NBEAL2: variants seen among roughly 807,000 people sequenced by gnomAD.
The protein encoded by NBEAL2 is neurobeachin-like protein 2.
Under a neutral mutation model 299.8 loss-of-function variants are expected in NBEAL2, and 160 were observed. The ratio of observed to expected loss-of-function variants is 0.53; its 90% confidence interval spans 0.47 to 0.61. The LOEUF (loss-of-function observed/expected upper bound fraction) is 0.61, where lower values mean the gene tolerates loss of function less well. Among genes scored for constraint, NBEAL2 ranks in the 20% least tolerant of loss-of-function variants. The probability of loss-of-function intolerance (pLI) is 0.00; values close to 1 mark genes in which losing one functional copy is unlikely to be tolerated. For synonymous variants in NBEAL2, 1,493 were observed against 1,542.3 expected, an observed-to-expected ratio of 0.97 and a Z score of 0.75; for missense variants, 3,112 against 3,649.0, an observed-to-expected ratio of 0.85 and a Z score of 3.79.
In NBEAL2 at chr3:46,999,001, T is replaced by G. The variant is rs774768005; in HGVS notation, c.3427T>G (p.Ser1143Ala). ...CCTGCTGCTGGCCCTGCTGCACGGT[T>G]CCCTGGTGCAGGAGTCCTTGGCTGT... ...LDLLLALLHG[S>A]LVQESLAVFL... Residue 1143 changes from serine (S) to alanine (A), a missense_variant, in exon 24 of 54, where the codon TCC becomes GCC. Physicochemically the swap from Ser to Ala is moderately conservative, Grantham distance 99. Around this residue, in one of 3 missense-constraint regions of NBEAL2, gnomAD observed 2,243 missense variants for 2,538.1 expected, o/e 0.88. Transcript: ENST00000450053. 3 of 1,606,670 alleles carry G rather than the reference T, an allele frequency of 1.9e-6. No homozygotes were observed. In the Admixed American group the frequency reaches 5.1e-5, roughly 27 times the overall value.
At position 46,995,487 on chromosome 3, in the gene NBEAL2, G is replaced by A. The variant is rs201359870; in HGVS notation, c.1752G>A (p.Thr584=). 1.5e-4 allele frequency: 237 copies of A among 1,612,874 alleles called. 2 individuals carry two copies. The African/African-American group carries it at 2.5e-3, about 17-fold the overall frequency. Residue 584 remains threonine, a synonymous_variant, in exon 13 of 54, where the codon ACG becomes ACA. Coordinates refer to ENST00000450053, the MANE Select transcript of NBEAL2 (RefSeq NM_015175.3). ...PARALRYFDL[T]PSMAGIMVPP... is the part of the protein sequence containing the mutation. ...GTGCTCTGCGCTACTTTGACCTCAC[G>A]CCCAGCATGGCGGGCATCATGGTAC...
Position 46,995,271 on chromosome 3 carries a change from C to CG in NBEAL2, c.1536_1537insG (p.Gln513AlafsTer39). 1 of 1,562,790 alleles carries CG rather than the reference C, an allele frequency of 6.4e-7. No homozygotes were observed. The highest frequency in any genetic ancestry group is 8.7e-7 in the Non-Finnish European group (1 of 1,154,194). ...CAGGGCTAGCCCTGGAGGCCCGCTG[C>CG]CAAGAGCAGCTGCTGGCACTGCTAC... On this transcript the variant is annotated frameshift_variant, in exon 13 of 54. Coordinates refer to ENST00000450053, the MANE Select transcript of NBEAL2 (RefSeq NM_015175.3). LOFTEE classifies it high-confidence loss of function.
At chr3:47,002,884 T>C in intron 33 of NBEAL2, 73 bp from the exon 34 acceptor site, 1 of 1,582,524 alleles carries the variant, frequency 6.3e-7, no homozygotes, top group Non-Finnish European at 8.6e-7. Flanking sequence ...AGACTGCCTT[T>C]GGGGTGAGGC....
Position 47,001,171 on chromosome 3 carries a change from C to T in NBEAL2, c.4476C>T (p.Ile1492=). 3 of 1,611,816 alleles carry T rather than the reference C, an allele frequency of 1.9e-6. No homozygotes were observed. Among genetic ancestry groups the T allele is most frequent in the Non-Finnish European group, 2.5e-6 (3 of 1,178,738 alleles). The part of the protein sequence containing the change: ...SATLVRPPDC[I]KRSLLEMMLE... ...CACTTGTGCGCCCACCAGACTGCAT[C>T]AAGCGCAGGTGAGAGGGAAAGTCTG... The change falls in exon 28 of 54, where the codon ATC becomes ATT. Residue 1492 remains isoleucine, a synonymous_variant. Coordinates refer to ENST00000450053, the MANE Select transcript of NBEAL2 (RefSeq NM_015175.3). The surrounding 1 kb of genome is among the most constrained non-coding windows in gnomAD (Gnocchi z 6.1).
chr3:46,986,068 G>A (rs2035654241), intron 1 of NBEAL2, among the ~76,000 whole-genome samples: 3 of 152,158 alleles, frequency 2.0e-5, no homozygotes. Context: ...GAGAAACAGT[G>A]AGACCCAGGG....
rs1029876273 is a variant in NBEAL2 at position 47,003,678 on chromosome 3, G to A, written c.5721-138G>A. The A allele has an allele frequency of 1.1e-5, 13 of 1,193,712 alleles. No homozygotes were observed. The African/African-American group carries it at 2.0e-4, about 19-fold the overall frequency. 73.9% of individuals were successfully genotyped at this position (1,193,712 alleles called of 1,614,324 possible). On this transcript the variant is annotated intron_variant, in intron 35 of 53. Transcript: ENST00000450053. This position sits in a 1 kb window ranked among gnomAD's most constrained non-coding sequence, Gnocchi z 7.0. ...CAGGGGCTGGGACCAGTAGGTTCTG[G>A]ACCCTAGGCAGCCCCTCCCCATCTC...
rs542072202 is a variant in NBEAL2 at position 46,987,909 on chromosome 3, G to C, written c.52-760G>C. On this transcript the variant is annotated intron_variant, in intron 1 of 53. Coordinates refer to ENST00000450053, the MANE Select transcript of NBEAL2 (RefSeq NM_015175.3). ...CCCCCCCACATCCCTGCGGTCTGCCGGGAGGAAGCGGTCCCCCTCCCCCAC... is the reference window on the plus strand; with the variant it reads ...CCCCCCCACATCCCTGCGGTCTGCCCGGAGGAAGCGGTCCCCCTCCCCCAC... 6.9e-4 allele frequency: 721 copies of C among 1,048,122 alleles called. 6 individuals are homozygous for C. In the African/African-American group the frequency reaches 0.011, roughly 16 times the overall value. 64.9% of individuals were successfully genotyped at this position (1,048,122 alleles called of 1,614,324 possible).
rs953427320 is a variant in NBEAL2, at chr3:46,991,357, C to T, written c.643-49C>T. 1.3e-6 allele frequency: 2 copies of T among 1,584,062 alleles called. No individual in the cohort carries two copies. The highest frequency in any genetic ancestry group is 1.7e-6 in the Non-Finnish European group (2 of 1,164,586). Reference sequence around the variant, plus strand: ...AGAGAGCAGCTCTTTCAGTATCTCTCTGCTGGGTGAGCCCCTTGCCCACTG... The same window carrying T: ...AGAGAGCAGCTCTTTCAGTATCTCTTTGCTGGGTGAGCCCCTTGCCCACTG... On this transcript the variant is annotated intron_variant, in intron 7 of 53. Coordinates refer to ENST00000450053, the MANE Select transcript of NBEAL2 (RefSeq NM_015175.3). This position sits in a 1 kb window ranked among gnomAD's most constrained non-coding sequence, Gnocchi z 6.2.
chr3:46,982,961 A>G lies in NBEAL2; in HGVS notation c.51+3049A>G, dbSNP rs912404207. Reference sequence around the variant, plus strand: ...GGCAGCCCATAAAAGTTAATGCCACATAGCATGCAGATGAGTGGCCCCTGT... The same window carrying G: ...GGCAGCCCATAAAAGTTAATGCCACGTAGCATGCAGATGAGTGGCCCCTGT... On this transcript the variant is annotated intron_variant, in intron 1 of 53. Transcript: ENST00000450053. This position sits in a 1 kb window ranked among gnomAD's most constrained non-coding sequence, Gnocchi z 4.2. 6.6e-6 allele frequency among the ~76,000 whole-genome samples: 1 copy of G among 152,162 alleles called. No homozygotes were observed. Among genetic ancestry groups the G allele is most frequent in the African/African-American group, 2.4e-5 (1 of 41,430 alleles).
chr3:47,001,857 G>A lies in NBEAL2; in HGVS notation c.4782+31G>A. The A allele has an allele frequency of 1.2e-6, 2 of 1,611,116 alleles. No individual in the cohort carries two copies. The highest frequency in any genetic ancestry group is 1.1e-5 in the South Asian group (1 of 91,064). On this transcript the variant is annotated intron_variant, in intron 30 of 53. Coordinates refer to ENST00000450053, the MANE Select transcript of NBEAL2 (RefSeq NM_015175.3). The surrounding 1 kb of genome is among the most constrained non-coding windows in gnomAD (Gnocchi z 6.1). ...CACAGGGTGAGCATGGGGGCAGGGG[G>A]CGTGTGAGATGTCGGGAGCTCCAAG...
At position 46,994,761 on chromosome 3, in the gene NBEAL2, C is replaced by T. The variant is rs139948210; in HGVS notation, c.1296+208C>T. Among the ~76,000 whole-genome samples the T allele has an allele frequency of 9.3e-4, 141 of 152,256 alleles. No individual in the cohort carries two copies. The Middle Eastern group carries it at 0.02, about 22-fold the overall frequency. On this transcript the variant is annotated intron_variant, in intron 12 of 53. Transcript: ENST00000450053. ...TGGAAGCAACTGCATGTGAGCAAGC[C>T]CCAGGATTATCTTAGGAACATGCAG...
In NBEAL2 at chr3:46,988,123, G is replaced by T. The variant is rs758428792; in HGVS notation, c.52-546G>T. 3 of 1,139,092 alleles carry T rather than the reference G, an allele frequency of 2.6e-6. No homozygotes were observed. Among genetic ancestry groups the T allele is most frequent in the Non-Finnish European group, 3.3e-6 (3 of 897,268 alleles). The allele number at this position is 1,139,092 out of a possible 1,614,324, so 70.6% of individuals were successfully genotyped here. ...GAGGTTCCCGGGGCAAGGCAGGGCCGCACATGAGGATGTGCGCATGTCTGG... is the reference window on the plus strand; with the variant it reads ...GAGGTTCCCGGGGCAAGGCAGGGCCTCACATGAGGATGTGCGCATGTCTGG... On this transcript the variant is annotated intron_variant, in intron 1 of 53. Transcript: ENST00000450053. This position sits in a 1 kb window ranked among gnomAD's most constrained non-coding sequence, Gnocchi z 4.4.
At position 46,993,949 on chromosome 3, in the gene NBEAL2, G is replaced by A; in HGVS notation, c.1126G>A (p.Asp376Asn). Residue 376 changes from aspartate (D) to asparagine (N), a missense_variant, in exon 11 of 54, where the codon GAC (aspartate) becomes AAC (asparagine). Physicochemically the swap from Asp to Asn is conservative, Grantham distance 23. Transcript: ENST00000450053. ...EPDVQKVLDQDTDAIAVHVVR... is the reference protein window; with the variant it reads ...EPDVQKVLDQNTDAIAVHVVR... ...TCCCCACCCCAAGGTCCTGGACCAA[G>A]ACACAGACGCCATTGCAGTCCATGT... 6.2e-7 allele frequency: 1 copy of A among 1,611,082 alleles called. No individual in the cohort carries two copies.
At chr3:46,998,900 C>T (rs768862300) in intron 23 of NBEAL2, 21 bp downstream of exon 23, 39 of 1,596,070 alleles carry the variant, frequency 2.4e-5, no homozygotes, top group Admixed American at 1.8e-5. Context: ...GGTTGGGGAG[C>T]GGGAGGCTTG....
At chr3:46,981,828 G>C (rs2035366213) in intron 1 of NBEAL2, 1 of 152,314 alleles carries the variant, frequency 6.6e-6, no homozygotes, top group Admixed American at 6.5e-5. Context: ...GTTGCCTCCT[G>C]ATGCCCCATC....
chr3:46,985,687 A>G (rs1324985047), intron 1 of NBEAL2, among the ~76,000 whole-genome samples: 3 of 152,322 alleles, frequency 2.0e-5, no homozygotes, highest in African/African-American at 7.2e-5. Flanking sequence ...GGACCTGGGC[A>G]TCACTTACCT....
At chr3:46,981,583 C>G (rs1421334658) in intron 1 of NBEAL2, among the ~76,000 whole-genome samples, 1 of 152,228 alleles carries the variant, frequency 6.6e-6, no homozygotes, top group East Asian at 1.9e-4. Context: ...CTCGCCCCAG[C>G]TTCTCTGCCT....
In NBEAL2 at chr3:47,003,681, C is replaced by G; in HGVS notation, c.5721-135C>G. The stretch of plus-strand genomic sequence containing the variant: ...GGGCTGGGACCAGTAGGTTCTGGAC[C>G]CTAGGCAGCCCCTCCCCATCTCTGG... On this transcript the variant is annotated intron_variant, in intron 35 of 53. Transcript: ENST00000450053. The surrounding 1 kb of genome is among the most constrained non-coding windows in gnomAD (Gnocchi z 7.0). 3 of 1,216,628 alleles carry G rather than the reference C, an allele frequency of 2.5e-6. No homozygotes were observed. The highest frequency in any genetic ancestry group is 3.4e-6 in the Non-Finnish European group (3 of 890,408). The allele number at this position is 1,216,628 out of a possible 1,614,324, so 75.4% of individuals were successfully genotyped here.
In NBEAL2 at chr3:47,002,990, C is replaced by T. The variant is rs775542992; in HGVS notation, c.5493C>T (p.Ser1831=). 9 of 1,613,284 alleles carry T rather than the reference C, an allele frequency of 5.6e-6. No homozygotes were observed. Among genetic ancestry groups the T allele is most frequent in the South Asian group, 3.3e-5 (3 of 91,078 alleles). Reference sequence around the variant, plus strand: ...CCATCCCCCGCTGGAAACTGTCCAGCGCCGAGACATATTCACGCATGCGTC... The same window carrying T: ...CCATCCCCCGCTGGAAACTGTCCAGTGCCGAGACATATTCACGCATGCGTC... ...DTPIPRWKLS[S]AETYSRMRLK... Residue 1831 remains serine (S), a synonymous_variant, in exon 34 of 54, where the codon AGC becomes AGT. Transcript: ENST00000450053.
Sources: allele counts gnomAD v4.1 joint callset (sites outside exome capture counted in the v4.1 genomes callset), GRCh38; gene constraint gnomAD v4.1.1; regional missense constraint gnomAD v4.1.1; non-coding constraint Gnocchi (gnomAD v3.1); transcripts MANE v1.5; gene names NCBI Gene and HGNC (gene_info 2026-07-23, HGNC 2026-07-21).